Variants in DPYD observed in about 807,000 individuals in gnomAD.
DPYD encodes dihydropyrimidine dehydrogenase.
A neutral mutation model predicts 116.2 loss-of-function variants in DPYD; 109 were observed. The ratio of observed to expected loss-of-function variants is 0.94; its 90% CI spans 0.80 to 1.10. The LOEUF is 1.10. Ranked by LOEUF, DPYD falls within the 50% of genes least tolerant of loss-of-function variation. DPYD has a pLI of 0.00. For synonymous variants in DPYD, 440 were observed against 432.0 expected, an observed-to-expected ratio of 1.02 and a Z score of -0.23; for missense variants, 1,302 against 1,254.5, an observed-to-expected ratio of 1.04 and a Z score of -0.57.
intron 8 of DPYD, among the ~76,000 whole-genome samples, chr1:97,641,463 T>C (rs141113302): frequency 0.023 from 3,475 of 152,246 alleles, 102 homozygotes; most frequent in Admixed American, 0.091. Context: ...ATTTCCTACA[T>C]AATCCATCAC....
At chr1:97,617,774 G>T (rs963464246) in intron 8 of DPYD, among the ~76,000 whole-genome samples, 4 of 152,164 alleles carry the variant, frequency 2.6e-5, no homozygotes, top group African/African-American at 4.8e-5. Context: ...TGTGAGAAAT[G>T]CAGAAACTCA....
chr1:97,465,702 A>C (rs1677282460), intron 13 of DPYD, among the ~76,000 whole-genome samples: 1 of 152,178 alleles, frequency 6.6e-6, no homozygotes, highest in Non-Finnish European at 1.5e-5. Context: ...TGGAATTGTA[A>C]GTCCATTAAA....
intron 18 of DPYD, among the ~76,000 whole-genome samples, chr1:97,258,867 G>A (rs891949393): frequency 2.6e-5 from 4 of 152,100 alleles, no homozygotes; most frequent in African/African-American, 9.7e-5. Flanking sequence ...AAACACAAGG[G>A]CTTGGACTAA....
intron 2 of DPYD, among the ~76,000 whole-genome samples, chr1:97,828,772 A>G (rs1453923390): frequency 6.6e-6 from 1 of 152,014 alleles, no homozygotes; most frequent in Admixed American, 6.5e-5. Flanking sequence ...ATATTTATAT[A>G]CTTGAAACTA....
intron 10 of DPYD, among the ~76,000 whole-genome samples, chr1:97,588,568 C>A (rs1004385271): frequency 7.2e-5 from 11 of 152,116 alleles, no homozygotes; most frequent in Non-Finnish European, 1.2e-4. Flanking sequence ...GCTTTTAATA[C>A]CAGCATTTTG....
At chr1:97,899,472 A>C (rs1292516165) in intron 1 of DPYD, among the ~76,000 whole-genome samples, 1 of 151,898 alleles carries the variant, frequency 6.6e-6, no homozygotes, top group Non-Finnish European at 1.5e-5. Flanking sequence ...TTTCACCATA[A>C]TAAACTATAA....
At chr1:97,667,636 C>G (rs1659637524) in intron 8 of DPYD, among the ~76,000 whole-genome samples, 1 of 151,990 alleles carries the variant, frequency 6.6e-6, no homozygotes, top group Non-Finnish European at 1.5e-5. Context: ...AATGGTGTAG[C>G]TACTTTGGAA....
intron 18 of DPYD, among the ~76,000 whole-genome samples, chr1:97,258,045 G>T (rs2027056): frequency 0.8 from 122,298 of 152,080 alleles, 49,757 homozygotes; most frequent in African/African-American, 0.91. Flanking sequence ...CACAGATAAC[G>T]GCATGAGCAA....
At chr1:97,191,227 CA>C (rs947613747) in intron 20 of DPYD, among the ~76,000 whole-genome samples, 1 of 150,812 alleles carries the variant, frequency 6.6e-6, no homozygotes, top group Non-Finnish European at 1.5e-5. Context: ...ATTATAGGAC[CA>C]AAAAAAAGAA....
At chr1:97,594,945 G>A (rs1320391666) in intron 9 of DPYD, 114 bp downstream of exon 9, 17 of 650,406 alleles carry the variant, frequency 2.6e-5, no homozygotes, top group Non-Finnish European at 3.8e-5. Context: ...TTGGGTCTTA[G>A]GCAAGGTTGG....
chr1:97,844,497 G>C (rs1401900614), intron 2 of DPYD, among the ~76,000 whole-genome samples: 1 of 152,130 alleles, frequency 6.6e-6, no homozygotes, highest in Non-Finnish European at 1.5e-5. Context: ...CCTACATAAT[G>C]TAACCCTTAT....
intron 15 of DPYD, among the ~76,000 whole-genome samples, chr1:97,374,483 G>A (rs1010937607): frequency 2.0e-5 from 3 of 151,968 alleles, no homozygotes; most frequent in African/African-American, 7.3e-5. Context: ...CACTTTGGGA[G>A]GCCAAGGCAG....
At chr1:97,113,611 T>G (rs1201673617) in intron 20 of DPYD, among the ~76,000 whole-genome samples, 1 of 152,116 alleles carries the variant, frequency 6.6e-6, no homozygotes, top group Non-Finnish European at 1.5e-5. Context: ...TTTCTTTGTC[T>G]AGGGGAGTTT....
chr1:97,082,496 G>A (rs765297521), intron 21 of DPYD, 26 bp from the exon 22 acceptor site: 1 of 1,612,206 alleles, frequency 6.2e-7, no homozygotes, highest in South Asian at 1.1e-5. Flanking sequence ...GAATTACTTA[G>A]CAAGCTCATT....
chr1:97,459,463 T>C (rs1431308106), intron 13 of DPYD, among the ~76,000 whole-genome samples: 3 of 152,070 alleles, frequency 2.0e-5, no homozygotes, highest in African/African-American at 7.2e-5. Flanking sequence ...AATACGTTTT[T>C]TAAAGAATTG....
intron 16 of DPYD, among the ~76,000 whole-genome samples, chr1:97,366,929 AT>A (rs746938758): frequency 2.6e-4 from 39 of 152,068 alleles, no homozygotes; most frequent in Non-Finnish European, 4.4e-4. Context: ...TCTGGGAAAT[AT>A]GGAAAATACT....
chr1:97,573,629 T>C, intron 11 of DPYD, 131 bp downstream of exon 11: 1 of 1,073,686 alleles, frequency 9.3e-7, no homozygotes, highest in African/African-American at 1.6e-5. Flanking sequence ...TGAATCAAGA[T>C]TGCTTTTACT....
At chr1:97,203,580 T>C (rs1364891463) in intron 19 of DPYD, among the ~76,000 whole-genome samples, 1 of 146,934 alleles carries the variant, frequency 6.8e-6, no homozygotes, top group Admixed American at 7.0e-5. Context: ...TATACATATG[T>C]AACTAACCTG....
chr1:97,633,829 G>A (rs1393431954), intron 8 of DPYD, among the ~76,000 whole-genome samples: 1 of 152,030 alleles, frequency 6.6e-6, no homozygotes, highest in East Asian at 1.9e-4. Context: ...ATATATGGGG[G>A]AATTAATGGA....
Sources: gnomAD v4.1 joint callset for allele counts (sites outside exome capture counted in the v4.1 genomes callset) on GRCh38, gnomAD v4.1.1 for gene constraint, MANE v1.5 for transcripts, NCBI Gene and HGNC (gene_info 2026-07-23, HGNC 2026-07-21) for gene names.